The following ABTB2 variants were observed in gnomAD, a reference collection of about 807,000 sequenced individuals.
The protein encoded by ABTB2 is ankyrin repeat and BTB domain containing 2.
In ABTB2, 56 loss-of-function variants were observed where a neutral mutation model predicts 104.1. That is an observed-to-expected ratio of 0.54 (90% CI 0.43 to 0.67). The LOEUF (loss-of-function observed/expected upper bound fraction) is 0.67. ABTB2 is among the 30% of genes least tolerant of loss of function. ABTB2 has a pLI of 0.00. For synonymous variants in ABTB2, 606 were observed against 608.2 expected (o/e 1.00, Z 0.05); for missense variants, 1,279 against 1,407.7 (o/e 0.91, Z 1.46).
chr11:34,296,573 G>A (rs565768194), intron 1 of ABTB2, among the ~76,000 whole-genome samples: 139 of 152,274 alleles, frequency 9.1e-4, no homozygotes, highest in African/African-American at 3.2e-3. Flanking sequence ...AGGCCAGTGT[G>A]CCCTGTGGAT....
chr11:34,322,406 C>T (rs1268733), intron 1 of ABTB2, among the ~76,000 whole-genome samples: 137,654 of 152,048 alleles, frequency 0.91, 62,549 homozygotes, highest in East Asian at 1. Context: ...TGAAACCCCA[C>T]GTCTAATAAA....
At chr11:34,293,619 G>T (rs182158570) in intron 1 of ABTB2, among the ~76,000 whole-genome samples, 1,770 of 152,330 alleles carry the variant, frequency 0.012, 28 homozygotes, top group African/African-American at 0.039. Flanking sequence ...TGTGTCAAAT[G>T]CTGCTGAGAT....
At chr11:34,172,437 T>G (rs61880411) in intron 4 of ABTB2, among the ~76,000 whole-genome samples, 8 of 92,462 alleles carry the variant, frequency 8.7e-5, no homozygotes, top group East Asian at 2.4e-4. Context: ...TGTGTGTGTA[T>G]ATAGATAGAT....
At chr11:34,352,795 C>A (rs1268537657) in intron 1 of ABTB2, among the ~76,000 whole-genome samples, 1 of 152,206 alleles carries the variant, frequency 6.6e-6, no homozygotes, top group Non-Finnish European at 1.5e-5. Flanking sequence ...ATGGGTCATG[C>A]CTGTAATCCC....
chr11:34,188,337 G>A (rs1229844506), intron 3 of ABTB2, among the ~76,000 whole-genome samples: 2 of 152,140 alleles, frequency 1.3e-5, no homozygotes, highest in Admixed American at 6.5e-5. Flanking sequence ...AGGGCAGACC[G>A]AGGGCACTTA....
intron 1 of ABTB2, among the ~76,000 whole-genome samples, chr11:34,323,187 G>GT (rs1359878246): frequency 1.3e-5 from 2 of 152,118 alleles, no homozygotes; most frequent in African/African-American, 4.8e-5. Context: ...AATTACAGGC[G>GT]TGAGTCACTG....
chr11:34,222,000 G>A (rs1234860021), intron 1 of ABTB2, among the ~76,000 whole-genome samples: 2 of 152,168 alleles, frequency 1.3e-5, no homozygotes, highest in Non-Finnish European at 2.9e-5. Flanking sequence ...AGTCGAGATC[G>A]CACCATTGCA....
chr11:34,257,878 C>A (rs10768055), intron 1 of ABTB2, among the ~76,000 whole-genome samples: 5 of 152,062 alleles, frequency 3.3e-5, no homozygotes, highest in Non-Finnish European at 7.4e-5. Context: ...GGATTACAGG[C>A]GTGAGCCACT....
chr11:34,159,749 G>A (rs1852681457), intron 13 of ABTB2, among the ~76,000 whole-genome samples, 157 bp downstream of exon 13: 1 of 152,212 alleles, frequency 6.6e-6, no homozygotes, highest in Non-Finnish European at 1.5e-5. Flanking sequence ...GTCTCATCCC[G>A]CTGTGGGGCG....
chr11:34,297,806 G>GA (rs887355329), intron 1 of ABTB2, among the ~76,000 whole-genome samples: 1 of 136,766 alleles, frequency 7.3e-6, no homozygotes, highest in African/African-American at 2.8e-5. Context: ...GAAAGAAAAA[G>GA]AAAAAAACAA....
rs1474201276 is a variant in ABTB2, at chr11:34,170,938, C to A, written c.1531G>T (p.Gly511Cys). ...DLINQAIEAL[G>C]PDGVNTMDDQ... ...TCCATGGTGTTAACCCCATCCGGAC[C>A]CAAGGCCTCGATGGCTTGGTTGATG... The change falls in exon 5 of 17, where the codon GGT becomes TGT. Residue 511 changes from glycine (G) to cysteine (C), a missense_variant. Transcript: ENST00000435224. 1 of 1,614,146 alleles carries A rather than the reference C, an allele frequency of 6.2e-7. No homozygotes were observed. The highest frequency in any genetic ancestry group is 2.2e-5 in the East Asian group (1 of 44,882).
intron 1 of ABTB2, among the ~76,000 whole-genome samples, chr11:34,287,349 A>G (rs1275365168): frequency 3.9e-5 from 6 of 152,082 alleles, no homozygotes; most frequent in Admixed American, 1.3e-4. Flanking sequence ...GGAGTTTGAG[A>G]CCAGCCTGAG....
intron 14 of ABTB2, 31 bp downstream of exon 14, chr11:34,159,265 T>C (rs751158158): frequency 2.5e-6 from 4 of 1,577,132 alleles, no homozygotes; most frequent in Non-Finnish European, 3.5e-6. Flanking sequence ...GTCATCCCTC[T>C]GAGAAGAGGG....
chr11:34,160,515 T>A (rs1852696669), intron 11 of ABTB2, among the ~76,000 whole-genome samples, 162 bp from the exon 12 acceptor site: 1 of 151,960 alleles, frequency 6.6e-6, no homozygotes, highest in African/African-American at 2.4e-5. Context: ...TGTTCCTTCA[T>A]CAGTGATTCC....
chr11:34,327,592 A>T lies in ABTB2; in HGVS notation c.883+29109T>A, dbSNP rs149303510. On this transcript the variant is annotated intron_variant, in intron 1 of 16. Transcript: ENST00000435224. ...AGGAGTCAGGGACCTTGTTGGAAAA[A>T]GTCATCCTCAGCCCAGGATTACATA... Among the ~76,000 whole-genome samples, 4 of 152,314 alleles carry T rather than the reference A, an allele frequency of 2.6e-5. No homozygotes were observed. In the East Asian group the frequency reaches 7.7e-4, roughly 29 times the overall value.
At chr11:34,297,840 G>A (rs1325665855) in intron 1 of ABTB2, among the ~76,000 whole-genome samples, 1 of 151,640 alleles carries the variant, frequency 6.6e-6, no homozygotes, top group Non-Finnish European at 1.5e-5. Context: ...CCGACGTGAT[G>A]GTATTAAAAG....
chr11:34,178,720 G>A (rs990606771), intron 3 of ABTB2, among the ~76,000 whole-genome samples: 2 of 152,164 alleles, frequency 1.3e-5, no homozygotes, highest in Non-Finnish European at 2.9e-5. Flanking sequence ...TTCCTTAGCT[G>A]GATCTGATAC....
At chr11:34,182,776 C>T (rs950910146) in intron 3 of ABTB2, among the ~76,000 whole-genome samples, 1 of 152,046 alleles carries the variant, frequency 6.6e-6, no homozygotes, top group Non-Finnish European at 1.5e-5. Flanking sequence ...ATTTCTGGAG[C>T]GTTTACTAAG....
At chr11:34,179,638 C>T (rs1214180338) in intron 3 of ABTB2, among the ~76,000 whole-genome samples, 1 of 152,202 alleles carries the variant, frequency 6.6e-6, no homozygotes. Context: ...GCTCTATAAC[C>T]TTGGGCAGAT....
Sources: gnomAD v4.1 joint callset for allele counts (sites outside exome capture counted in the v4.1 genomes callset) on GRCh38, gnomAD v4.1.1 for gene constraint, MANE v1.5 for transcripts, NCBI Gene and HGNC (gene_info 2026-07-23, HGNC 2026-07-21) for gene names.